FRMD4A: variants seen among roughly 807,000 people sequenced by gnomAD.
FRMD4A encodes FERM domain containing 4A, also known as FERM domain-containing protein 4A.
A neutral mutation model predicts 129.1 loss-of-function variants in FRMD4A; 29 were observed. The observed-to-expected ratio is 0.22, with a 90% CI of 0.17 to 0.31. The LOEUF is 0.31. FRMD4A is among the 10% of genes least tolerant of loss of function. FRMD4A has a pLI of 1.00. For missense variants in FRMD4A, 1,272 were observed against 1,375.8 expected (o/e 0.92, Z 1.19); for synonymous variants, 634 against 571.6 (o/e 1.11, Z -1.56).
chr10:14,199,889 A>G (rs1842583945), intron 2 of FRMD4A, among the ~76,000 whole-genome samples: 1 of 150,904 alleles, frequency 6.6e-6, no homozygotes, highest in African/African-American at 2.4e-5. Flanking sequence ...AAAATTTTAA[A>G]AATTATGTTT....
chr10:13,867,700 TATAATAAATAACATATAATATAATATATA>T (rs1488796659), intron 2 of FRMD4A, among the ~76,000 whole-genome samples: 22 of 5,568 alleles, frequency 4.0e-3, no homozygotes, highest in Non-Finnish European at 4.4e-3. Flanking sequence ...TAATATAATA[TATAATAAATAACATATAATATAATATATA>T]ATAAATAACA....
intron 2 of FRMD4A, among the ~76,000 whole-genome samples, chr10:14,045,699 A>C (rs1019038878): frequency 3.4e-5 from 5 of 146,518 alleles, no homozygotes; most frequent in Admixed American, 6.9e-5. Flanking sequence ...TGATATAATT[A>C]TATTATAATA....
At chr10:14,013,344 C>T (rs574704533) in intron 2 of FRMD4A, among the ~76,000 whole-genome samples, 16 of 152,228 alleles carry the variant, frequency 1.1e-4, no homozygotes, top group South Asian at 2.1e-4. Flanking sequence ...CTCTCCCACA[C>T]GCCACTCAAG....
intron 2 of FRMD4A, among the ~76,000 whole-genome samples, chr10:14,221,135 G>A (rs1291699743): frequency 6.6e-6 from 1 of 152,184 alleles, no homozygotes; most frequent in Non-Finnish European, 1.5e-5. Flanking sequence ...GAATCAAGGT[G>A]CAAACTCAGG....
chr10:14,219,742 T>A (rs375558489), intron 2 of FRMD4A, among the ~76,000 whole-genome samples: 52 of 152,304 alleles, frequency 3.4e-4, no homozygotes, highest in African/African-American at 1.1e-3. Context: ...CAGGGCAAGC[T>A]GGGAGGCTGC....
At chr10:14,279,598 T>C (rs927655826) in intron 2 of FRMD4A, among the ~76,000 whole-genome samples, 1 of 152,192 alleles carries the variant, frequency 6.6e-6, no homozygotes, top group Non-Finnish European at 1.5e-5. Context: ...AGACAGTTAC[T>C]CCTTTAATCA....
At chr10:13,766,177 T>C (rs1259735402) in intron 6 of FRMD4A, among the ~76,000 whole-genome samples, 2 of 152,210 alleles carry the variant, frequency 1.3e-5, no homozygotes, top group Non-Finnish European at 2.9e-5. Context: ...GTATCATTGG[T>C]GAACATTAAC....
chr10:13,985,034 C>T (rs2095576033), intron 2 of FRMD4A, among the ~76,000 whole-genome samples: 1 of 152,234 alleles, frequency 6.6e-6, no homozygotes, highest in South Asian at 2.1e-4. Flanking sequence ...CACAGACATG[C>T]CTGCTGACAT....
At chr10:14,047,987 T>C (rs1834061335) in intron 2 of FRMD4A, among the ~76,000 whole-genome samples, 2 of 152,238 alleles carry the variant, frequency 1.3e-5, no homozygotes, top group African/African-American at 4.8e-5. Flanking sequence ...ATAAGGCATT[T>C]AGCGCACAGC....
intron 2 of FRMD4A, among the ~76,000 whole-genome samples, chr10:13,949,887 G>A (rs1312614104): frequency 6.6e-6 from 1 of 152,188 alleles, no homozygotes; most frequent in Non-Finnish European, 1.5e-5. Flanking sequence ...AAGCACTGGG[G>A]TATGGAAAGC....
At chr10:13,816,275 T>C (rs2093540858) in intron 3 of FRMD4A, among the ~76,000 whole-genome samples, 1 of 152,206 alleles carries the variant, frequency 6.6e-6, no homozygotes. Flanking sequence ...AGGTTACAAC[T>C]CCTGACTCTT....
At chr10:13,697,190 G>C (rs1438789173) in intron 14 of FRMD4A, among the ~76,000 whole-genome samples, 2 of 136,260 alleles carry the variant, frequency 1.5e-5, no homozygotes, top group Non-Finnish European at 3.1e-5. Flanking sequence ...GTTTCACACT[G>C]TTGCCTAGGC....
intron 3 of FRMD4A, among the ~76,000 whole-genome samples, chr10:13,811,112 C>A (rs1040269062): frequency 3.3e-5 from 5 of 151,762 alleles, no homozygotes; most frequent in African/African-American, 9.7e-5. Flanking sequence ...CAGATAGAGA[C>A]CTTCTGTTTT....
intron 9 of FRMD4A, among the ~76,000 whole-genome samples, chr10:13,747,527 C>CAAAAA (rs10689486): frequency 6.9e-6 from 1 of 144,614 alleles, no homozygotes; most frequent in African/African-American, 2.6e-5. Context: ...AGATCCGTCT[C>CAAAAA]AAAAAAAAAA....
chr10:13,768,906 G>A (rs1162915040), intron 6 of FRMD4A, among the ~76,000 whole-genome samples: 6 of 151,468 alleles, frequency 4.0e-5, no homozygotes, highest in Admixed American at 3.9e-4. Context: ...CTGCTGATGA[G>A]TATCTATAGA....
intron 15 of FRMD4A, chr10:13,684,563 C>T: frequency 1.0e-6 from 1 of 985,494 alleles, no homozygotes; most frequent in East Asian, 1.1e-4. Context: ...GAAGGACAGC[C>T]TCTTTCAGCC....
At chr10:14,310,283 A>T (rs1846500469) in intron 2 of FRMD4A, among the ~76,000 whole-genome samples, 1 of 152,196 alleles carries the variant, frequency 6.6e-6, no homozygotes, top group African/African-American at 2.4e-5. Flanking sequence ...CCCTGAATGA[A>T]GGAGCTCTCC....
At position 14,255,740 on chromosome 10, in the gene FRMD4A, T is replaced by A. The variant is rs565173238; in HGVS notation, c.45+74318A>T. Among the ~76,000 whole-genome samples, 3 of 152,192 alleles carry A rather than the reference T, an allele frequency of 2.0e-5. No individual in the cohort carries two copies. The East Asian group carries it at 5.8e-4, about 29-fold the overall frequency. On this transcript the variant is annotated intron_variant, in intron 2 of 24. Coordinates refer to ENST00000357447, the MANE Select transcript of FRMD4A (RefSeq NM_018027.5). ...TTTGGTTGCCAGGCTGGGCGGTGGC[T>A]CATGTCTGTAATCCCAGCACACTGC... is the stretch of plus-strand genomic sequence containing the variant.
At chr10:13,783,309 T>C (rs930502751) in intron 5 of FRMD4A, among the ~76,000 whole-genome samples, 17 of 152,276 alleles carry the variant, frequency 1.1e-4, no homozygotes, top group African/African-American at 4.1e-4. Flanking sequence ...ATCTGCTTTA[T>C]AATTTTACAT....
Sources: allele counts gnomAD v4.1 joint callset (sites outside exome capture counted in the v4.1 genomes callset), GRCh38; gene constraint gnomAD v4.1.1; transcripts MANE v1.5; gene names NCBI Gene and HGNC (gene_info 2026-07-23, HGNC 2026-07-21).